Variants in EVC2 observed in about 807,000 individuals in gnomAD.
EVC2 encodes the protein limbin.
A neutral mutation model predicts 149.3 loss-of-function variants in EVC2; 148 were observed. The ratio of observed to expected loss-of-function variants is 0.99; its 90% CI spans 0.87 to 1.14. EVC2 has a LOEUF of 1.14. Among genes scored for constraint, EVC2 ranks in the 50% most tolerant of loss-of-function variants. The pLI is 0.00. For missense variants in EVC2, 1,854 were observed against 1,627.3 expected (o/e 1.14, Z -2.40); for synonymous variants, 776 against 649.9 (o/e 1.19, Z -2.95).
intron 17 of EVC2, among the ~76,000 whole-genome samples, chr4:5,581,959 G>T (rs114410541): frequency 1.3e-5 from 2 of 152,238 alleles, no homozygotes; most frequent in African/African-American, 2.4e-5. Context: ...AAGCCTGCAG[G>T]TGCACAGAAT....
At position 5,574,760 on chromosome 4, in the gene EVC2, T is replaced by C. The variant is rs1462214483; in HGVS notation, c.3285A>G (p.Glu1095=). The part of the protein sequence containing the change: ...LEQHQQCLRE[E]QQNSVVLEDL... Reference sequence around the variant, plus strand: ...CTTCTAGCACGACACTGTTCTGTTGTTCCTCTCTCAAACTGGAGTGAAAAT... The same window carrying C: ...CTTCTAGCACGACACTGTTCTGTTGCTCCTCTCTCAAACTGGAGTGAAAAT... The change falls in exon 19 of 22, where the codon GAA becomes GAG. Residue 1095 remains glutamate, a synonymous_variant. Transcript: ENST00000344408. The C allele has an allele frequency of 1.2e-6, 2 of 1,614,194 alleles. No homozygotes were observed. The highest frequency in any genetic ancestry group is 4.5e-5 in the East Asian group (2 of 44,884).
chr4:5,656,937 G>C (rs567871883), intron 9 of EVC2, among the ~76,000 whole-genome samples: 12 of 152,340 alleles, frequency 7.9e-5, no homozygotes, highest in African/African-American at 2.9e-4. Flanking sequence ...ACCAGGATGA[G>C]GTCAGCACTG....
At chr4:5,660,027 T>C (rs780405266) in intron 9 of EVC2, among the ~76,000 whole-genome samples, 3 of 152,222 alleles carry the variant, frequency 2.0e-5, no homozygotes, top group Non-Finnish European at 4.4e-5. Context: ...TAAGTGACAT[T>C]TATGAACCTC....
chr4:5,695,079 G>A (rs961027912), intron 2 of EVC2, among the ~76,000 whole-genome samples: 31 of 152,190 alleles, frequency 2.0e-4, no homozygotes, highest in African/African-American at 5.3e-4. Context: ...GCCAGGCACC[G>A]CAGCTGACAC....
chr4:5,557,993 C>A (rs1464595138), downstream of EVC2, among the ~76,000 whole-genome samples: 2 of 151,974 alleles, frequency 1.3e-5, no homozygotes, highest in East Asian at 3.9e-4. Context: ...CCCAACCTGA[C>A]CTATAGAATC....
chr4:5,627,537 C>A (rs1716206342), intron 12 of EVC2, among the ~76,000 whole-genome samples: 1 of 152,158 alleles, frequency 6.6e-6, no homozygotes, highest in South Asian at 2.1e-4. Flanking sequence ...AGTAGCGGAA[C>A]CACAGTAAAA....
rs545609910 is a variant in EVC2, at chr4:5,674,597, C to T, written c.870+6663G>A. On this transcript the variant is annotated intron_variant, in intron 7 of 21. Coordinates refer to ENST00000344408, the MANE Select transcript of EVC2 (RefSeq NM_147127.5). ...CCAGGGGAGGGCTCGGGCATCACAGCGTGCAGATGCTGGTCAGGGTCCAGC... is the reference window on the plus strand; with the variant it reads ...CCAGGGGAGGGCTCGGGCATCACAGTGTGCAGATGCTGGTCAGGGTCCAGC... Among the ~76,000 whole-genome samples, 13 of 152,222 alleles carry T rather than the reference C, an allele frequency of 8.5e-5. No homozygotes were observed. In the East Asian group the frequency reaches 1.2e-3, roughly 14 times the overall value.
At chr4:5,545,842 G>A (rs1201669155) in intron 21 of EVC2, among the ~76,000 whole-genome samples, 1 of 152,174 alleles carries the variant, frequency 6.6e-6, no homozygotes, top group Admixed American at 6.5e-5. Flanking sequence ...GGTGCTGCAG[G>A]GATGAGGAAG....
At chr4:5,643,043 G>T (rs939200904) in intron 9 of EVC2, among the ~76,000 whole-genome samples, 3 of 152,164 alleles carry the variant, frequency 2.0e-5, no homozygotes, top group Admixed American at 2.0e-4. Context: ...TCTATCTAAC[G>T]AGTTAACTTG....
chr4:5,547,964 C>T (rs1173939621), intron 21 of EVC2, among the ~76,000 whole-genome samples: 1 of 152,190 alleles, frequency 6.6e-6, no homozygotes, highest in Non-Finnish European at 1.5e-5. Flanking sequence ...TCCCCAGTGG[C>T]AGCCATGGAA....
At chr4:5,645,341 ATAT>A (rs1180661072) in intron 9 of EVC2, among the ~76,000 whole-genome samples, 3 of 147,878 alleles carry the variant, frequency 2.0e-5, no homozygotes. Context: ...TTTGTTGTGC[ATAT>A]TATTTTGTCA....
chr4:5,663,206 G>C lies in EVC2; in HGVS notation c.1046C>G (p.Thr349Ser). 1 of 1,614,164 alleles carries C rather than the reference G, an allele frequency of 6.2e-7. No homozygotes were observed. The highest frequency in any genetic ancestry group is 1.1e-5 in the South Asian group (1 of 91,082). Residue 349 changes from threonine (T) to serine (S), a missense_variant, in exon 9 of 22, where the codon ACC becomes AGC. Thr to Ser is a moderately conservative substitution (Grantham distance 58, BLOSUM62 1). Coordinates refer to ENST00000344408, the MANE Select transcript of EVC2 (RefSeq NM_147127.5). ...GTCCTCATTCACGCCATCAGCTGAGGTGAACGGCAAGGGTTCCAGCTTGCT... is the reference window on the plus strand; with the variant it reads ...GTCCTCATTCACGCCATCAGCTGAGCTGAACGGCAAGGGTTCCAGCTTGCT... ...YESKLEPLPF[T>S]SADGVNEDLS...
At chr4:5,571,044 C>T (rs1202679013) in intron 19 of EVC2, among the ~76,000 whole-genome samples, 2 of 151,800 alleles carry the variant, frequency 1.3e-5, no homozygotes, top group Non-Finnish European at 2.9e-5. Flanking sequence ...GGCCGGGCGT[C>T]GTGGCTCACA....
At chr4:5,542,647 T>C (rs1721535299), downstream of EVC2, 1 of 156,864 alleles carries the variant, frequency 6.4e-6, no homozygotes, top group African/African-American at 2.4e-5. Flanking sequence ...CAGTATTTGA[T>C]GATCGTGCCT....
At chr4:5,568,683 C>T in intron 19 of EVC2, 43 bp from the exon 20 acceptor site, 1 of 1,564,464 alleles carries the variant, frequency 6.4e-7, no homozygotes, top group Non-Finnish European at 8.7e-7. Context: ...CGCCGCCTCT[C>T]AACTTGAACC....
intron 16 of EVC2, among the ~76,000 whole-genome samples, chr4:5,588,234 A>G (rs578124692): frequency 4.6e-5 from 7 of 152,256 alleles, no homozygotes; most frequent in South Asian, 4.1e-4. Flanking sequence ...CACTTGCATT[A>G]TTTGAAATGA....
At chr4:5,592,824 C>T (rs1380287813) in intron 16 of EVC2, among the ~76,000 whole-genome samples, 2 of 152,192 alleles carry the variant, frequency 1.3e-5, no homozygotes, top group African/African-American at 4.8e-5. Flanking sequence ...TGCATGTGAA[C>T]AGCCCGCCCC....
chr4:5,598,396 G>A (rs1713653589), intron 16 of EVC2, among the ~76,000 whole-genome samples: 1 of 150,716 alleles, frequency 6.6e-6, no homozygotes, highest in Non-Finnish European at 1.5e-5. Context: ...ACAGAACAGA[G>A]CCCTCAGAAA....
At chr4:5,538,029 T>C (rs1382030711), downstream of EVC2, among the ~76,000 whole-genome samples, 1 of 120,668 alleles carries the variant, frequency 8.3e-6, no homozygotes, top group Non-Finnish European at 1.7e-5. Flanking sequence ...GTAAAATTGA[T>C]AAACCTCTAG....
Sources: gnomAD v4.1 joint callset for allele counts (sites outside exome capture counted in the v4.1 genomes callset) on GRCh38, gnomAD v4.1.1 for gene constraint, MANE v1.5 for transcripts, NCBI Gene and HGNC (gene_info 2026-07-23, HGNC 2026-07-21) for gene names.